Variants in SLC14A2 observed in about 807,000 individuals in gnomAD.
The protein encoded by SLC14A2 is solute carrier family 14 member 2.
Under a neutral mutation model 104.6 loss-of-function variants are expected in SLC14A2, and 91 were observed. The observed-to-expected ratio is 0.87, with a 90% CI of 0.73 to 1.04. The LOEUF (loss-of-function observed/expected upper bound fraction) is 1.04. SLC14A2 is among the 50% of genes least tolerant of loss of function. The pLI is 0.00. For missense variants in SLC14A2, 1,189 were observed against 1,156.0 expected, an observed-to-expected ratio of 1.03 and a Z score of -0.41; for synonymous variants, 476 against 466.4, an observed-to-expected ratio of 1.02 and a Z score of -0.27.
chr18:45,556,631 T>C (rs1201077960), intron 2 of SLC14A2, among the ~76,000 whole-genome samples: 2 of 152,234 alleles, frequency 1.3e-5, no homozygotes, highest in Non-Finnish European at 2.9e-5. Flanking sequence ...AATCATGGGA[T>C]TCGTGTGAAG....
chr18:45,260,349 G>A (rs772858114), intron 1 of SLC14A2, among the ~76,000 whole-genome samples: 1 of 152,124 alleles, frequency 6.6e-6, no homozygotes, highest in Admixed American at 6.5e-5. Context: ...TGAAGTAACA[G>A]GAAGAAAGAT....
upstream of SLC14A2, among the ~76,000 whole-genome samples, chr18:45,613,000 TCTTTC>T (rs1202225331): frequency 2.0e-5 from 3 of 149,696 alleles, no homozygotes; most frequent in African/African-American, 7.4e-5. Context: ...CAATTAAACC[TCTTTC>T]CTTTATAAAT....
intron 3 of SLC14A2, among the ~76,000 whole-genome samples, 166 bp from the exon 4 acceptor site, chr18:45,626,792 C>A (rs538561231): frequency 3.0e-4 from 46 of 152,154 alleles, no homozygotes; most frequent in African/African-American, 1.1e-3. Flanking sequence ...GGGCTGGGCA[C>A]CAGCCTCCCC....
intron 10 of SLC14A2, among the ~76,000 whole-genome samples, chr18:45,649,230 A>C (rs2045686451): frequency 6.6e-6 from 1 of 152,134 alleles, no homozygotes; most frequent in Admixed American, 6.5e-5. Flanking sequence ...TAAAAACAAG[A>C]TGAAAAATAC....
At chr18:45,602,302 A>C (rs2044802499) in intron 2 of SLC14A2, among the ~76,000 whole-genome samples, 1 of 152,210 alleles carries the variant, frequency 6.6e-6, no homozygotes, top group African/African-American at 2.4e-5. Flanking sequence ...GAGCAGAGTG[A>C]TTTGTCACTC....
chr18:45,253,643 C>A (rs941982285), intron 1 of SLC14A2, among the ~76,000 whole-genome samples: 4 of 152,050 alleles, frequency 2.6e-5, no homozygotes, highest in African/African-American at 9.7e-5. Flanking sequence ...TTCATTTAAT[C>A]ATTTTTATAT....
chr18:45,361,681 C>T (rs1218472374), intron 1 of SLC14A2, among the ~76,000 whole-genome samples: 1 of 152,228 alleles, frequency 6.6e-6, no homozygotes, highest in Non-Finnish European at 1.5e-5. Flanking sequence ...GCTAGGCTGA[C>T]TCAAGCACAG....
the SLC14A2 span, among the ~76,000 whole-genome samples, chr18:45,187,568 A>T: frequency 6.6e-6 from 1 of 152,128 alleles, no homozygotes; most frequent in Non-Finnish European, 1.5e-5. Flanking sequence ...TCTTGGCATC[A>T]TGGTATTGAG....
chr18:45,171,843 C>T, the SLC14A2 span, among the ~76,000 whole-genome samples: 1 of 152,072 alleles, frequency 6.6e-6, no homozygotes, highest in Non-Finnish European at 1.5e-5. Context: ...CTGAATCACT[C>T]AAATCTTCTC....
chr18:45,202,057 A>C, the SLC14A2 span, among the ~76,000 whole-genome samples: 1 of 152,128 alleles, frequency 6.6e-6, no homozygotes, highest in African/African-American at 2.4e-5. Flanking sequence ...AAACAAAATT[A>C]TTTTTCTTTA....
chr18:45,568,759 C>T (rs1312559747), intron 2 of SLC14A2, among the ~76,000 whole-genome samples: 1 of 152,222 alleles, frequency 6.6e-6, no homozygotes, highest in African/African-American at 2.4e-5. Context: ...TAAGTAAGAG[C>T]TAACCCTTGG....
At chr18:45,282,045 T>C (rs2084767827) in intron 1 of SLC14A2, among the ~76,000 whole-genome samples, 1 of 152,186 alleles carries the variant, frequency 6.6e-6, no homozygotes, top group South Asian at 2.1e-4. Flanking sequence ...CCTGGAATGC[T>C]GAGTCTTGGT....
intron 2 of SLC14A2, among the ~76,000 whole-genome samples, chr18:45,586,628 T>TGCTTGCCCTTTGCCGTGCCC (rs2044570480): frequency 6.6e-6 from 1 of 152,186 alleles, no homozygotes; most frequent in Non-Finnish European, 1.5e-5. Context: ...AGGCCGTGAC[T>TGCTTGCCCTTTGCCGTGCCC]GCTTGCCCTT....
At chr18:45,291,579 G>C (rs1250270505) in intron 1 of SLC14A2, among the ~76,000 whole-genome samples, 1 of 152,200 alleles carries the variant, frequency 6.6e-6, no homozygotes, top group Non-Finnish European at 1.5e-5. Flanking sequence ...TCAGAGGCAA[G>C]AGGGGACGAT....
At chr18:45,410,797 GC>G (rs1416764490) in intron 1 of SLC14A2, among the ~76,000 whole-genome samples, 1 of 152,182 alleles carries the variant, frequency 6.6e-6, no homozygotes, top group Admixed American at 6.5e-5. Flanking sequence ...ATAAAGCTAT[GC>G]TCTGCCTTCT....
intron 1 of SLC14A2, among the ~76,000 whole-genome samples, chr18:45,371,902 G>A (rs1288290799): frequency 1.3e-5 from 2 of 152,290 alleles, no homozygotes; most frequent in Non-Finnish European, 1.5e-5. Context: ...ATATAGAAAA[G>A]GGTTATCTGA....
chr18:45,289,677 A>C (rs1262766349), intron 1 of SLC14A2, among the ~76,000 whole-genome samples: 1 of 152,182 alleles, frequency 6.6e-6, no homozygotes, highest in African/African-American at 2.4e-5. Context: ...TATCCCAAGC[A>C]TGTGTGTTTC....
At chr18:45,302,073 A>G (rs1394986231) in intron 1 of SLC14A2, among the ~76,000 whole-genome samples, 1 of 152,144 alleles carries the variant, frequency 6.6e-6, no homozygotes, top group Non-Finnish European at 1.5e-5. Flanking sequence ...CTGCACCATA[A>G]CAATCATCAT....
rs2046328538 is a variant in SLC14A2 at position 45,682,654 on chromosome 18, T to TA, written c.*136dup. The TA allele has an allele frequency of 1.4e-6, 1 of 699,254 alleles. No homozygotes were observed. The highest frequency in any genetic ancestry group is 2.3e-5 in the Admixed American group (1 of 44,042). 43.3% of individuals were successfully genotyped at this position (699,254 alleles called of 1,614,324 possible). A position where few individuals can be genotyped will look rare whatever the true frequency, so the allele number is the denominator to read the frequency against. On this transcript the variant is annotated 3_prime_UTR_variant, in exon 20 of 20. Coordinates refer to ENST00000255226, the MANE Select transcript of SLC14A2 (RefSeq NM_007163.4). ...CCCCAAACACAAAGAAGCGTGTATG[T>TA]AGTCACCATTCCAGAACCTCTCTTT... is the stretch of plus-strand genomic sequence containing the variant.
Sources: allele counts gnomAD v4.1 joint callset (sites outside exome capture counted in the v4.1 genomes callset), GRCh38; gene constraint gnomAD v4.1.1; transcripts MANE v1.5; gene names NCBI Gene and HGNC (gene_info 2026-07-23, HGNC 2026-07-21).